ZZZ3: variants seen among roughly 807,000 people sequenced by gnomAD.
ZZZ3 encodes zinc finger ZZ-type containing 3, also known as ZZ-type zinc finger-containing protein 3.
A neutral mutation model predicts 95.2 loss-of-function variants in ZZZ3; 22 were observed. The observed-to-expected ratio is 0.23, with a 90% CI of 0.17 to 0.33. ZZZ3 has a LOEUF of 0.33. Among genes scored for constraint, ZZZ3 ranks in the 10% least tolerant of loss-of-function variants. The probability of loss-of-function intolerance (pLI) is 1.00; values close to 1 mark genes in which losing one functional copy is unlikely to be tolerated. For synonymous variants in ZZZ3, 335 were observed against 358.9 expected (o/e 0.93, Z 0.75); for missense variants, 885 against 1,066.5 (o/e 0.83, Z 2.37).
intron 5 of ZZZ3, 71 bp from the exon 6 acceptor site, chr1:77,584,726 C>T: frequency 3.9e-6 from 5 of 1,269,838 alleles, no homozygotes; most frequent in Non-Finnish European, 5.3e-6. Flanking sequence ...TGAGTTCAAG[C>T]CATGATCTAC....
intron 1 of ZZZ3, among the ~76,000 whole-genome samples, chr1:77,653,460 G>C (rs779632015): frequency 1.3e-5 from 2 of 152,058 alleles, no homozygotes; most frequent in Non-Finnish European, 1.5e-5. Context: ...GTTTTTAAAA[G>C]ATAAGAGAAT....
At chr1:77,589,986 C>T (rs1336758657) in intron 5 of ZZZ3, among the ~76,000 whole-genome samples, 1 of 152,108 alleles carries the variant, frequency 6.6e-6, no homozygotes, top group Non-Finnish European at 1.5e-5. Flanking sequence ...TCTAAAAAAA[C>T]TAATGGAGAA....
intron 1 of ZZZ3, among the ~76,000 whole-genome samples, chr1:77,668,525 G>A (rs1455499414): frequency 6.6e-6 from 1 of 151,608 alleles, no homozygotes; most frequent in Admixed American, 6.6e-5. Flanking sequence ...TAAGTAGAAA[G>A]TACCATATCT....
intron 4 of ZZZ3, among the ~76,000 whole-genome samples, chr1:77,638,587 C>T (rs553999020): frequency 6.6e-6 from 1 of 152,164 alleles, no homozygotes; most frequent in Non-Finnish European, 1.5e-5. Context: ...CAAAGTGGTA[C>T]AGTTTATTTT....
chr1:77,571,605 G>A (rs1287094231), intron 12 of ZZZ3, among the ~76,000 whole-genome samples: 1 of 152,128 alleles, frequency 6.6e-6, no homozygotes, highest in African/African-American at 2.4e-5. Context: ...GCCTTAAAAA[G>A]GAAAGAAATT....
intron 12 of ZZZ3, among the ~76,000 whole-genome samples, chr1:77,569,961 C>A (rs1488600417): frequency 6.6e-6 from 1 of 152,174 alleles, no homozygotes; most frequent in African/African-American, 2.4e-5. Context: ...CTGTAAATTC[C>A]CAATCCCGGA....
rs114654669 is a variant in ZZZ3 at position 77,650,852 on chromosome 1, A to T, written c.-402-9197T>A. On this transcript the variant is annotated intron_variant, in intron 1 of 14. Transcript: ENST00000370801. ...ACTCATCAGGAACAAAATTATCAAT[A>T]TTAAAGAAAAAAGAGATGTTGCTAT... is the stretch of plus-strand genomic sequence containing the variant. Among the ~76,000 whole-genome samples, 149 of 152,340 alleles carry T rather than the reference A, an allele frequency of 9.8e-4. 1 individual carries two copies. In the Middle Eastern group the frequency reaches 0.017, roughly 17 times the overall value.
At chr1:77,670,998 C>A (rs1037044767) in intron 1 of ZZZ3, among the ~76,000 whole-genome samples, 3 of 144,528 alleles carry the variant, frequency 2.1e-5, no homozygotes, top group South Asian at 4.8e-4. Context: ...CACAGTAACA[C>A]TGTTTTTTTG....
At chr1:77,586,477 AGCC>A (rs1034764757) in intron 5 of ZZZ3, among the ~76,000 whole-genome samples, 1 of 152,218 alleles carries the variant, frequency 6.6e-6, no homozygotes, top group African/African-American at 2.4e-5. Context: ...TTACATTGGC[AGCC>A]GTCTTTTTGT....
At chr1:77,647,319 A>G (rs1371872482) in intron 1 of ZZZ3, among the ~76,000 whole-genome samples, 1 of 152,128 alleles carries the variant, frequency 6.6e-6, no homozygotes, top group African/African-American at 2.4e-5. Flanking sequence ...AGGGGTTCAA[A>G]ACCGGCCTAG....
intron 5 of ZZZ3, among the ~76,000 whole-genome samples, chr1:77,616,149 A>G (rs1666292320): frequency 6.6e-6 from 1 of 152,090 alleles, no homozygotes; most frequent in Admixed American, 6.5e-5. Context: ...TTCCCCCCTC[A>G]ATCGTTGATT....
At chr1:77,671,034 T>TA (rs530001557) in intron 1 of ZZZ3, among the ~76,000 whole-genome samples, 281 of 143,704 alleles carry the variant, frequency 2.0e-3, no homozygotes, top group East Asian at 0.011. Flanking sequence ...TTGTTTTTTT[T>TA]AAAAAAAAAA....
intron 5 of ZZZ3, among the ~76,000 whole-genome samples, chr1:77,630,549 T>C (rs1667715339): frequency 6.6e-6 from 1 of 152,082 alleles, no homozygotes; most frequent in Non-Finnish European, 1.5e-5. Flanking sequence ...ACTCAACTTA[T>C]TTCTAATACA....
chr1:77,638,513 A>G (rs1668492226), intron 4 of ZZZ3, among the ~76,000 whole-genome samples: 1 of 152,236 alleles, frequency 6.6e-6, no homozygotes, highest in Non-Finnish European at 1.5e-5. Flanking sequence ...TACTTAAGAG[A>G]AAGAAATTTC....
chr1:77,621,516 TAAA>T (rs568033576), intron 5 of ZZZ3, among the ~76,000 whole-genome samples: 2 of 123,040 alleles, frequency 1.6e-5, no homozygotes, highest in Admixed American at 8.4e-5. Flanking sequence ...AAATTTAAGT[TAAA>T]AAAAAAAAAA....
intron 1 of ZZZ3, among the ~76,000 whole-genome samples, chr1:77,661,880 G>A (rs1384981709): frequency 1.3e-5 from 2 of 151,590 alleles, no homozygotes; most frequent in African/African-American, 4.9e-5. Flanking sequence ...GCAGTGACAC[G>A]ATCATAGCTC....
At chr1:77,621,102 T>A (rs558514764) in intron 5 of ZZZ3, among the ~76,000 whole-genome samples, 11 of 152,280 alleles carry the variant, frequency 7.2e-5, no homozygotes, top group Non-Finnish European at 1.3e-4. Context: ...TGGTAAATAA[T>A]TTAAAGATAA....
chr1:77,617,414 T>C (rs1666421048), intron 5 of ZZZ3, among the ~76,000 whole-genome samples: 1 of 152,244 alleles, frequency 6.6e-6, no homozygotes, highest in Non-Finnish European at 1.5e-5. Context: ...CTGGTTTCTT[T>C]CATTGGTACA....
At chr1:77,631,443 C>T (rs932471335) in intron 5 of ZZZ3, among the ~76,000 whole-genome samples, 2 of 152,100 alleles carry the variant, frequency 1.3e-5, no homozygotes, top group African/African-American at 4.8e-5. Flanking sequence ...GTCAAGCCTG[C>T]CAGACTTCAC....
Sources: gnomAD v4.1 joint callset for allele counts (sites outside exome capture counted in the v4.1 genomes callset) on GRCh38, gnomAD v4.1.1 for gene constraint, MANE v1.5 for transcripts, NCBI Gene and HGNC (gene_info 2026-07-23, HGNC 2026-07-21) for gene names.